The following ATP2C2 variants were observed in gnomAD, a reference collection of about 807,000 sequenced individuals.
The protein encoded by ATP2C2 is ATPase secretory pathway Ca2+ transporting 2, also known as calcium-transporting ATPase type 2C member 2.
Under a neutral mutation model 110.8 loss-of-function variants are expected in ATP2C2, and 171 were observed. That is an observed-to-expected ratio of 1.54 (90% CI 1.36 to 1.75). The LOEUF is 1.75. ATP2C2 is among the 40% of genes most tolerant of loss of function. The pLI, the probability that ATP2C2 is intolerant of heterozygous loss-of-function variation, is 0.00. For synonymous variants in ATP2C2, 804 were observed against 508.4 expected (o/e 1.58, Z -7.82); for missense variants, 1,963 against 1,235.0 (o/e 1.59, Z -8.84).
At chr16:84,460,347 T>TTGG (rs1555508285) in intron 23 of ATP2C2, 3 of 388,688 alleles carry the variant, frequency 7.7e-6, no homozygotes, top group African/African-American at 4.7e-5. Context: ...GGCGCAACGT[T>TTGG]GGGGGGGGTC....
At chr16:84,419,167 C>T (rs1237719699) in intron 7 of ATP2C2, among the ~76,000 whole-genome samples, 1 of 140,488 alleles carries the variant, frequency 7.1e-6, no homozygotes, top group Non-Finnish European at 1.5e-5. Context: ...GAGATTGCAC[C>T]ACTGCACTGT....
intron 6 of ATP2C2, among the ~76,000 whole-genome samples, chr16:84,412,510 G>GTGTGTC (rs1567705445): frequency 1.5e-5 from 1 of 65,430 alleles, no homozygotes. Flanking sequence ...ATATGTGTCT[G>GTGTGTC]TGTGTGTCTG....
intron 7 of ATP2C2, among the ~76,000 whole-genome samples, chr16:84,416,528 C>T (rs989728355): frequency 2.0e-5 from 3 of 152,110 alleles, no homozygotes; most frequent in Admixed American, 1.3e-4. Flanking sequence ...TTGGAAGCTA[C>T]CCCCTGGGAC....
At chr16:84,446,072 G>A (rs1909720789) in intron 15 of ATP2C2, among the ~76,000 whole-genome samples, 1 of 152,088 alleles carries the variant, frequency 6.6e-6, no homozygotes, top group Admixed American at 6.5e-5. Context: ...AAACACTGCA[G>A]GTTTGTTTCT....
At chr16:84,459,982 G>C (rs1911117247) in intron 23 of ATP2C2, 2 of 248,990 alleles carry the variant, frequency 8.0e-6, no homozygotes, top group Admixed American at 4.9e-5. Context: ...TTGGAGTCAG[G>C]GGACCCATCT....
At chr16:84,441,854 C>G (rs1426629403) in intron 14 of ATP2C2, among the ~76,000 whole-genome samples, 1 of 152,116 alleles carries the variant, frequency 6.6e-6, no homozygotes, top group African/African-American at 2.4e-5. Context: ...ACCAGGGAGG[C>G]AGAGGTTGCA....
Position 84,439,063 on chromosome 16 carries a change from C to A in ATP2C2, c.987-103C>A, listed in dbSNP as rs890337520. 2.8e-5 allele frequency: 42 copies of A among 1,504,070 alleles called. 1 individual carries two copies. Among genetic ancestry groups the A allele is most frequent in the Non-Finnish European group, 3.8e-5 (42 of 1,107,756 alleles). 93.2% of individuals were successfully genotyped at this position (1,504,070 alleles called of 1,614,324 possible). A position where few individuals can be genotyped will look rare whatever the true frequency, so the allele number is the denominator to read the frequency against. ...GAGACTAGAACCAGGACACTGGGGA[C>A]ACCTAAGACAAGCTTCACCAGCCAA... On this transcript the variant is annotated intron_variant, in intron 11 of 26. Coordinates refer to ENST00000262429, the MANE Select transcript of ATP2C2 (RefSeq NM_014861.4).
intron 1 of ATP2C2, among the ~76,000 whole-genome samples, chr16:84,374,853 G>C (rs983107064): frequency 6.6e-6 from 1 of 152,126 alleles, no homozygotes; most frequent in African/African-American, 2.4e-5. Context: ...CCGAGAGTTT[G>C]GGTTTTATTG....
At chr16:84,374,041 T>C (rs1483037546) in intron 1 of ATP2C2, among the ~76,000 whole-genome samples, 1 of 152,226 alleles carries the variant, frequency 6.6e-6, no homozygotes, top group African/African-American at 2.4e-5. Flanking sequence ...AACTGGCTCG[T>C]TCACTTGAAG....
At chr16:84,382,910 A>AG (rs1198005686) in intron 1 of ATP2C2, among the ~76,000 whole-genome samples, 1 of 151,482 alleles carries the variant, frequency 6.6e-6, no homozygotes, top group East Asian at 1.9e-4. Flanking sequence ...AAAAAAAAAA[A>AG]AAAAAAGTAA....
chr16:84,451,115 C>T (rs900250817), intron 17 of ATP2C2, among the ~76,000 whole-genome samples: 1 of 152,096 alleles, frequency 6.6e-6, no homozygotes, highest in Non-Finnish European at 1.5e-5. Flanking sequence ...CTGGGGAGGC[C>T]TTGCAATCAT....
chr16:84,386,547 A>G (rs1266887730), intron 1 of ATP2C2, among the ~76,000 whole-genome samples: 2 of 152,130 alleles, frequency 1.3e-5, no homozygotes, highest in Non-Finnish European at 2.9e-5. Flanking sequence ...ACCCTTGAGC[A>G]AGGTTCATGC....
chr16:84,408,590 T>G, intron 4 of ATP2C2, 96 bp downstream of exon 4: 1 of 964,540 alleles, frequency 1.0e-6, no homozygotes, highest in Admixed American at 2.4e-5. Context: ...AAGAGTTTGC[T>G]GTAGGGGGGA....
intron 24 of ATP2C2, 53 bp from the exon 25 acceptor site, chr16:84,461,661 G>A: frequency 6.5e-7 from 1 of 1,530,754 alleles, no homozygotes; most frequent in East Asian, 2.2e-5. Context: ...TTTGGTTCAG[G>A]ATGGAGGTTG....
intron 11 of ATP2C2, among the ~76,000 whole-genome samples, chr16:84,431,661 G>T (rs1194529794): frequency 2.0e-5 from 3 of 152,056 alleles, no homozygotes; most frequent in African/African-American, 4.8e-5. Context: ...GGTCACTTGG[G>T]GGGGACCACA....
At chr16:84,452,238 T>C in intron 18 of ATP2C2, 147 bp downstream of exon 18, 1 of 1,024,862 alleles carries the variant, frequency 9.8e-7, no homozygotes, top group South Asian at 1.7e-5. Flanking sequence ...TGAGTATTCG[T>C]GTGCCAGCAT....
intron 2 of ATP2C2, among the ~76,000 whole-genome samples, chr16:84,402,008 A>T (rs1217705660): frequency 6.6e-6 from 1 of 152,178 alleles, no homozygotes; most frequent in Non-Finnish European, 1.5e-5. Flanking sequence ...AGTTTCTTGC[A>T]TCAATGTTTT....
chr16:84,377,634 T>G (rs780529583), intron 1 of ATP2C2, among the ~76,000 whole-genome samples: 2 of 152,108 alleles, frequency 1.3e-5, no homozygotes, highest in Non-Finnish European at 2.9e-5. Flanking sequence ...ACCAATGACA[T>G]CATTTAGCTG....
intron 17 of ATP2C2, among the ~76,000 whole-genome samples, chr16:84,451,386 T>C (rs3826149): frequency 0.17 from 26,441 of 152,192 alleles, 2,968 homozygotes; most frequent in East Asian, 0.56. Flanking sequence ...AGCAGTGGTA[T>C]TTTCTGCTAT....
Sources: gnomAD v4.1 joint callset for allele counts (sites outside exome capture counted in the v4.1 genomes callset) on GRCh38, gnomAD v4.1.1 for gene constraint, MANE v1.5 for transcripts, NCBI Gene and HGNC (gene_info 2026-07-23, HGNC 2026-07-21) for gene names.